CACNA2D3: variants seen among roughly 807,000 people sequenced by gnomAD.
CACNA2D3 encodes the protein voltage-dependent calcium channel subunit alpha-2/delta-3.
A neutral mutation model predicts 160.6 loss-of-function variants in CACNA2D3; 60 were observed. The ratio of observed to expected loss-of-function variants is 0.37; its 90% CI spans 0.30 to 0.46. CACNA2D3 has a LOEUF of 0.46. Among genes scored for constraint, CACNA2D3 ranks in the 20% least tolerant of loss-of-function variants. The pLI, the probability that CACNA2D3 is intolerant of heterozygous loss-of-function variation, is 1.00. For synonymous variants in CACNA2D3, 558 were observed against 492.9 expected (o/e 1.13, Z -1.75); for missense variants, 1,205 against 1,365.0 (o/e 0.88, Z 1.85).
chr3:54,550,359 C>T (rs1276639125), intron 5 of CACNA2D3, among the ~76,000 whole-genome samples: 1 of 152,162 alleles, frequency 6.6e-6, no homozygotes, highest in Non-Finnish European at 1.5e-5. Context: ...CCAGAAATAG[C>T]CTGGGCCTTC....
rs1700313213 is a variant in CACNA2D3, at chr3:54,159,990, G to A, written c.204+36396G>A. On this transcript the variant is annotated intron_variant, in intron 2 of 37. Transcript: ENST00000474759. ...ATTGTTTTAATTAACTGCCTGGCAA[G>A]CTCTGTAATCTTGTTTCTTTCTTCT... is the stretch of plus-strand genomic sequence containing the variant. Among the ~76,000 whole-genome samples the A allele has an allele frequency of 2.6e-5, 4 of 152,152 alleles. No homozygotes were observed. In the South Asian group the frequency reaches 8.3e-4, roughly 32 times the overall value.
In CACNA2D3 at chr3:55,070,650, C is replaced by T. The variant is rs1013991212; in HGVS notation, c.2988-2795C>T. 2.0e-5 allele frequency among the ~76,000 whole-genome samples: 3 copies of T among 152,140 alleles called. No homozygotes were observed. The East Asian group carries it at 5.8e-4, about 29-fold the overall frequency. On this transcript the variant is annotated intron_variant, in intron 35 of 37. Coordinates refer to ENST00000474759, the MANE Select transcript of CACNA2D3 (RefSeq NM_018398.3). ...GTATAGGGCACAGGTGCAGGTTTAT[C>T]TTCTTATTTTTCCAGCTTCTTGATT...
chr3:54,579,511 C>T (rs943860342), intron 8 of CACNA2D3, among the ~76,000 whole-genome samples: 1 of 152,200 alleles, frequency 6.6e-6, no homozygotes, highest in African/African-American at 2.4e-5. Context: ...ATCAAACTTT[C>T]CCTTATGTCA....
At chr3:54,681,382 C>CAAAAAAAAAAAAAA (rs565556596) in intron 11 of CACNA2D3, among the ~76,000 whole-genome samples, 4 of 62,096 alleles carry the variant, frequency 6.4e-5, no homozygotes, top group South Asian at 5.5e-4. Context: ...ACTAAAAATA[C>CAAAAAAAAAAAAAA]AAAAAAAAAA....
intron 4 of CACNA2D3, among the ~76,000 whole-genome samples, chr3:54,441,429 C>T (rs202004754): frequency 3.1e-4 from 36 of 115,716 alleles, no homozygotes; most frequent in African/African-American, 7.2e-4. Flanking sequence ...TCTCCCATTC[C>T]GTAGGTTGCC....
At chr3:54,651,302 G>A (rs1374943236) in intron 11 of CACNA2D3, among the ~76,000 whole-genome samples, 1 of 152,056 alleles carries the variant, frequency 6.6e-6, no homozygotes, top group African/African-American at 2.4e-5. Flanking sequence ...AAATTGTGGG[G>A]CCTCAGGATG....
intron 25 of CACNA2D3, among the ~76,000 whole-genome samples, chr3:54,895,317 C>T (rs1700163236): frequency 6.6e-6 from 1 of 151,966 alleles, no homozygotes. Context: ...AGAGCCAGGC[C>T]CTGGAAATAT....
At position 55,073,441 on chromosome 3, in the gene CACNA2D3, A is replaced by G. The variant is rs369579285; in HGVS notation, c.2988-4A>G. ...GACTGCCTCGCTACCTCTTGTTCCA[A>G]CAGGTCCTTTGTCATCCAGCAAATC... is the stretch of plus-strand genomic sequence containing the variant. On this transcript the variant is annotated splice_region_variant and splice_polypyrimidine_tract_variant and intron_variant, in intron 35 of 37. Transcript: ENST00000474759. The G allele has an allele frequency of 4.3e-6, 7 of 1,610,992 alleles. No homozygotes were observed. Among genetic ancestry groups the G allele is most frequent in the African/African-American group, 1.3e-5 (1 of 74,846 alleles).
At chr3:54,844,927 C>A (rs1333053161) in intron 16 of CACNA2D3, among the ~76,000 whole-genome samples, 1 of 152,116 alleles carries the variant, frequency 6.6e-6, no homozygotes, top group Admixed American at 6.6e-5. Flanking sequence ...ATGGAAAAAG[C>A]CAAACTCTCA....
intron 4 of CACNA2D3, among the ~76,000 whole-genome samples, chr3:54,464,234 C>T (rs955229918): frequency 2.0e-5 from 3 of 152,216 alleles, no homozygotes; most frequent in African/African-American, 7.2e-5. Context: ...CAGGGACCCA[C>T]TTGAGGAGGC....
At chr3:54,908,768 T>A (rs1215514066) in intron 27 of CACNA2D3, among the ~76,000 whole-genome samples, 1 of 152,212 alleles carries the variant, frequency 6.6e-6, no homozygotes, top group Non-Finnish European at 1.5e-5. Flanking sequence ...CTGCCTGTTT[T>A]TGTAGAAAAA....
At chr3:54,963,432 C>T (rs572272413) in intron 27 of CACNA2D3, among the ~76,000 whole-genome samples, 47 of 152,248 alleles carry the variant, frequency 3.1e-4, no homozygotes, top group African/African-American at 9.6e-4. Context: ...GGTCCAGTAC[C>T]GTAGCCTCTA....
At chr3:54,288,746 TG>T (rs1430045005) in intron 2 of CACNA2D3, among the ~76,000 whole-genome samples, 1 of 152,122 alleles carries the variant, frequency 6.6e-6, no homozygotes, top group Non-Finnish European at 1.5e-5. Flanking sequence ...GCTTCATCCC[TG>T]GGATGCAAGG....
chr3:54,528,279 A>AAAG (rs398105880), intron 5 of CACNA2D3, among the ~76,000 whole-genome samples: 1 of 151,624 alleles, frequency 6.6e-6, no homozygotes, highest in Non-Finnish European at 1.5e-5. Context: ...TAAAAAAAAA[A>AAAG]TGGGCATGAG....
chr3:54,839,813 G>A (rs571711278), intron 16 of CACNA2D3, among the ~76,000 whole-genome samples: 41 of 152,278 alleles, frequency 2.7e-4, no homozygotes, highest in African/African-American at 9.4e-4. Context: ...TGAGGTGGGT[G>A]TGGACAAGTC....
At chr3:54,349,395 C>G (rs1344436421) in intron 3 of CACNA2D3, among the ~76,000 whole-genome samples, 2 of 152,136 alleles carry the variant, frequency 1.3e-5, no homozygotes, top group East Asian at 1.9e-4. Flanking sequence ...AGAGGCAGCT[C>G]TTTTTAGGAA....
intron 4 of CACNA2D3, among the ~76,000 whole-genome samples, chr3:54,398,207 G>A (rs1484501773): frequency 2.3e-5 from 3 of 129,772 alleles, no homozygotes; most frequent in Non-Finnish European, 4.8e-5. Context: ...GAGCCTATGT[G>A]TGTCTCTGCA....
At chr3:54,623,966 A>G (rs186025380) in intron 9 of CACNA2D3, among the ~76,000 whole-genome samples, 63 of 152,230 alleles carry the variant, frequency 4.1e-4, no homozygotes, top group Non-Finnish European at 7.8e-4. Context: ...AGAGGGCTAA[A>G]TGAAGCTCCA....
At chr3:54,165,274 C>G (rs1700429595) in intron 2 of CACNA2D3, among the ~76,000 whole-genome samples, 1 of 152,000 alleles carries the variant, frequency 6.6e-6, no homozygotes, top group African/African-American at 2.4e-5. Flanking sequence ...ATGTCACCCC[C>G]CACCAAGTAT....
Sources: gnomAD v4.1 joint callset for allele counts (sites outside exome capture counted in the v4.1 genomes callset) on GRCh38, gnomAD v4.1.1 for gene constraint, MANE v1.5 for transcripts, NCBI Gene and HGNC (gene_info 2026-07-23, HGNC 2026-07-21) for gene names.